NETO2: variants seen among roughly 807,000 people sequenced by gnomAD.
NETO2 encodes the protein neuropilin and tolloid like 2, also known as neuropilin and tolloid-like protein 2.
NETO2 carries 28 observed loss-of-function variants against 62.5 expected under a neutral mutation model. That is an observed-to-expected ratio of 0.45 (90% CI 0.33 to 0.61). The LOEUF is 0.61. Ranked by LOEUF, NETO2 falls within the 20% of genes least tolerant of loss-of-function variation. The probability of loss-of-function intolerance (pLI) is 0.02; values close to 1 mark genes in which losing one functional copy is unlikely to be tolerated. For synonymous variants in NETO2, 214 were observed against 219.1 expected (o/e 0.98, Z 0.21); for missense variants, 548 against 643.2 (o/e 0.85, Z 1.60).
chr16:47,140,652 C>T (rs1347531917), intron 1 of NETO2, among the ~76,000 whole-genome samples: 1 of 152,130 alleles, frequency 6.6e-6, no homozygotes, highest in East Asian at 1.9e-4. Context: ...TTCCCAACCC[C>T]TGGAAGGAAA....
intron 1 of NETO2, among the ~76,000 whole-genome samples, chr16:47,139,619 A>C (rs981018719): frequency 6.6e-6 from 1 of 152,248 alleles, no homozygotes; most frequent in Admixed American, 6.5e-5. Context: ...TGTTTTTGAT[A>C]AACTATGTTC....
At chr16:47,139,718 C>T (rs547779849) in intron 1 of NETO2, among the ~76,000 whole-genome samples, 2 of 152,364 alleles carry the variant, frequency 1.3e-5, no homozygotes, top group Admixed American at 6.5e-5. Flanking sequence ...TTTGGGATCA[C>T]TCCAGCCTAC....
chr16:47,129,350 C>T lies in NETO2; in HGVS notation c.106G>A (p.Gly36Arg). 1 of 1,613,866 alleles carries T rather than the reference C, an allele frequency of 6.2e-7. No individual in the cohort carries two copies. Among genetic ancestry groups the T allele is most frequent in the Non-Finnish European group, 8.5e-7 (1 of 1,179,908 alleles). ...TGGGTTGCAGGAATATGCTTGATTC[C>T]AATATTTTGTCCATCTTAGGGAAAA... ...AQKTQDGQNI[G>R]IKHIPATQCG... The change falls in exon 3 of 9, where the codon GGA (glycine) becomes AGA (arginine). Residue 36 changes from glycine (G) to arginine (R), a missense_variant. Physicochemically the swap from Gly to Arg is moderately radical, Grantham distance 125. Coordinates refer to ENST00000562435, the MANE Select transcript of NETO2 (RefSeq NM_018092.5).
At chr16:47,132,114 GATTAACTAAAA>G in intron 1 of NETO2, 89 bp from the exon 2 acceptor site, 2 of 992,876 alleles carry the variant, frequency 2.0e-6, no homozygotes, top group Non-Finnish European at 3.1e-6. Context: ...GACAAAAAAA[GATTAACTAAAA>G]TCACTATTTA....
In NETO2 at chr16:47,083,442, T is replaced by G. The variant is rs1963113447; in HGVS notation, c.1357A>C (p.Asn453His). 11 of 1,614,084 alleles carry G rather than the reference T, an allele frequency of 6.8e-6. No individual in the cohort carries two copies. The highest frequency in any genetic ancestry group is 9.3e-6 in the Non-Finnish European group (11 of 1,180,040). The change falls in exon 9 of 9, where the codon AAC (asparagine) becomes CAC (histidine). Residue 453 changes from asparagine (N) to histidine (H), a missense_variant. Coordinates refer to ENST00000562435, the MANE Select transcript of NETO2 (RefSeq NM_018092.5). ...QASSVKQSRT[N>H]LSSMELPFRN... ...AAAGGAAGTTCCATGGAACTGAGGTTGGTCCTGCTTTGTTTGACGCTGGAG... is the reference window on the plus strand; with the variant it reads ...AAAGGAAGTTCCATGGAACTGAGGTGGGTCCTGCTTTGTTTGACGCTGGAG...
In NETO2 at chr16:47,081,108, CTA is replaced by C. The variant is rs768211298; in HGVS notation, c.*2111_*2112del. 37 of 152,128 alleles carry C rather than the reference CTA, an allele frequency of 2.4e-4. No homozygotes were observed. Among genetic ancestry groups the C allele is most frequent in the Admixed American group, 1.0e-3 (16 of 15,282 alleles). The allele number at this position is 152,128 out of a possible 1,614,324, so 9.4% of individuals were successfully genotyped here. ...AAAACAAAAATGTAGTTACAAGTGA[CTA>C]TAGTTTAGCATACTGTATTATTTGC... On this transcript the variant is annotated 3_prime_UTR_variant, in exon 9 of 9. Transcript: ENST00000562435.
Position 47,129,368 on chromosome 16 carries a change from A to G in NETO2, c.92-4T>C. On this transcript the variant is annotated splice_polypyrimidine_tract_variant and splice_region_variant and intron_variant, in intron 2 of 8. Coordinates refer to ENST00000562435, the MANE Select transcript of NETO2 (RefSeq NM_018092.5). ...TTGATTCCAATATTTTGTCCATCTT[A>G]GGGAAAAACGGCATTTAAAACACTC... 2.5e-6 allele frequency: 4 copies of G among 1,613,360 alleles called. No individual in the cohort carries two copies. Among genetic ancestry groups the G allele is most frequent in the Non-Finnish European group, 3.4e-6 (4 of 1,179,808 alleles).
intron 7 of NETO2, among the ~76,000 whole-genome samples, chr16:47,107,704 G>A (rs1963704015): frequency 6.6e-6 from 1 of 152,198 alleles, no homozygotes; most frequent in Admixed American, 6.5e-5. Context: ...AGAGGACAGA[G>A]GAGGCAAACT....
chr16:47,101,191 T>C (rs138804159), intron 7 of NETO2, among the ~76,000 whole-genome samples: 140 of 152,292 alleles, frequency 9.2e-4, no homozygotes, highest in Non-Finnish European at 1.6e-3. Context: ...AACCACATTA[T>C]TATCTCAATA....
In NETO2 at chr16:47,083,378, A is replaced by T; in HGVS notation, c.1421T>A (p.Phe474Tyr). The change falls in exon 9 of 9, where the codon TTT becomes TAT. Residue 474 changes from phenylalanine to tyrosine, a missense_variant. Physicochemically the swap from Phe to Tyr is conservative, Grantham distance 22. Transcript: ENST00000562435. ...ACTACTTTTCTTGAAGGTGCTATTA[A>T]ATGTTTTCATTGGCTGTGGTTGTGC... ...DFAQPQPMKT[F>Y]NSTFKKSSYT... 1 of 1,614,168 alleles carries T rather than the reference A, an allele frequency of 6.2e-7. No homozygotes were observed. Among genetic ancestry groups the T allele is most frequent in the South Asian group, 1.1e-5 (1 of 91,084 alleles).
At chr16:47,140,111 TG>T (rs1317425785) in intron 1 of NETO2, among the ~76,000 whole-genome samples, 3 of 152,222 alleles carry the variant, frequency 2.0e-5, no homozygotes, top group Non-Finnish European at 1.5e-5. Context: ...GGAGCCACCC[TG>T]GTGTTTGAGG....
intron 7 of NETO2, among the ~76,000 whole-genome samples, chr16:47,102,929 C>T (rs1262862988): frequency 6.6e-6 from 1 of 152,178 alleles, no homozygotes; most frequent in East Asian, 1.9e-4. Context: ...ACCCAGCAAT[C>T]TCATTACTGG....
rs767911742 is a variant in NETO2 at position 47,122,745 on chromosome 16, C to T, written c.566G>A (p.Arg189His). Residue 189 changes from arginine to histidine, a missense_variant, in exon 6 of 9, where the codon CGC becomes CAC. Arg to His is a conservative substitution (Grantham distance 29, BLOSUM62 0). Coordinates refer to ENST00000562435, the MANE Select transcript of NETO2 (RefSeq NM_018092.5). ...FELSGADGIV[R>H]SSQVEQEEKT... is the part of the protein sequence containing the mutation. Reference sequence around the variant, plus strand: ...CTCCTCTTGTTCTACCTGACTAGAGCGCACTATTCCATCAGCTCCCGAGAG... The same window carrying T: ...CTCCTCTTGTTCTACCTGACTAGAGTGCACTATTCCATCAGCTCCCGAGAG... The T allele has an allele frequency of 7.4e-6, 12 of 1,613,918 alleles. No individual in the cohort carries two copies. The highest frequency in any genetic ancestry group is 1.7e-5 in the Admixed American group (1 of 59,974).
At chr16:47,131,354 T>C (rs1964263556) in intron 2 of NETO2, among the ~76,000 whole-genome samples, 2 of 151,890 alleles carry the variant, frequency 1.3e-5, no homozygotes, top group South Asian at 4.2e-4. Context: ...GGAAGGGAAA[T>C]ACCAAAAGAA....
chr16:47,135,022 G>A (rs545288572), intron 1 of NETO2, among the ~76,000 whole-genome samples: 8 of 152,194 alleles, frequency 5.3e-5, no homozygotes, highest in African/African-American at 9.6e-5. Context: ...ATATAAAAAC[G>A]ACGTATAAAG....
chr16:47,104,783 G>A (rs921904326), intron 7 of NETO2, among the ~76,000 whole-genome samples: 3 of 152,018 alleles, frequency 2.0e-5, no homozygotes, highest in Non-Finnish European at 2.9e-5. Flanking sequence ...GCAGTGGCAC[G>A]ATCTCGGCTC....
At chr16:47,122,290 A>G (rs1964057820) in intron 6 of NETO2, among the ~76,000 whole-genome samples, 1 of 152,046 alleles carries the variant, frequency 6.6e-6, no homozygotes, top group South Asian at 2.1e-4. Flanking sequence ...TTGAGAACAC[A>G]TTTTCACCTC....
At position 47,080,049 on chromosome 16, in the gene NETO2, A is replaced by C. The variant is rs1005245158; in HGVS notation, c.*3172T>G. 1.3e-5 allele frequency: 2 copies of C among 152,230 alleles called. No individual in the cohort carries two copies. Among genetic ancestry groups the C allele is most frequent in the African/African-American group, 4.8e-5 (2 of 41,458 alleles). 9.4% of individuals were successfully genotyped at this position (152,230 alleles called of 1,614,324 possible). ...TATGAAACATGACAAAGACACTGAC[A>C]TAAGCGCTGTCGGGTTAAAGGAGTC... On this transcript the variant is annotated 3_prime_UTR_variant, in exon 9 of 9. Coordinates refer to ENST00000562435, the MANE Select transcript of NETO2 (RefSeq NM_018092.5).
intron 7 of NETO2, among the ~76,000 whole-genome samples, chr16:47,104,611 T>C (rs1963630605): frequency 1.3e-5 from 2 of 152,234 alleles, no homozygotes; most frequent in Admixed American, 6.5e-5. Context: ...GGACTCATAC[T>C]TCCTGATTTC....
Sources: allele counts gnomAD v4.1 joint callset (sites outside exome capture counted in the v4.1 genomes callset), GRCh38; gene constraint gnomAD v4.1.1; transcripts MANE v1.5; gene names NCBI Gene and HGNC (gene_info 2026-07-23, HGNC 2026-07-21).